Variants in ERBB4 observed in about 807,000 individuals in gnomAD.
The protein encoded by ERBB4 is receptor tyrosine-protein kinase erbB-4.
In ERBB4, 42 loss-of-function variants were observed where a neutral mutation model predicts 158.0. The observed-to-expected ratio is 0.27, with a 90% confidence interval of 0.21 to 0.34. The LOEUF (loss-of-function observed/expected upper bound fraction) is 0.34, where lower values mean the gene tolerates loss of function less well. Ranked by LOEUF, ERBB4 falls within the 10% of genes least tolerant of loss-of-function variation. ERBB4 has a pLI of 1.00. For missense variants in ERBB4, 1,333 were observed against 1,624.1 expected, an observed-to-expected ratio of 0.82 and a Z score of 3.08; for synonymous variants, 583 against 558.7, an observed-to-expected ratio of 1.04 and a Z score of -0.61.
At chr2:211,995,836 T>A (rs985441169) in intron 2 of ERBB4, among the ~76,000 whole-genome samples, 5 of 152,174 alleles carry the variant, frequency 3.3e-5, no homozygotes, top group African/African-American at 1.2e-4. Flanking sequence ...ATCCTTTTTA[T>A]ATTGTGTATT....
intron 1 of ERBB4, among the ~76,000 whole-genome samples, chr2:212,428,616 CTAA>C (rs1157421930): frequency 1.3e-5 from 2 of 151,912 alleles, no homozygotes; most frequent in African/African-American, 4.8e-5. Flanking sequence ...GTACCTATAG[CTAA>C]TAATACCACA....
intron 2 of ERBB4, among the ~76,000 whole-genome samples, chr2:212,069,727 A>G (rs1412548234): frequency 6.6e-6 from 1 of 152,114 alleles, no homozygotes; most frequent in Non-Finnish European, 1.5e-5. Context: ...ATTGCAGAAC[A>G]TAAGACAATA....
chr2:211,571,066 C>T (rs1206387571), intron 19 of ERBB4, among the ~76,000 whole-genome samples: 3 of 86,790 alleles, frequency 3.5e-5, no homozygotes, highest in Admixed American at 1.7e-4. Context: ...TTTTTTGAGA[C>T]GGAGTCTTGC....
intron 1 of ERBB4, among the ~76,000 whole-genome samples, chr2:212,224,444 C>T (rs979695374): frequency 2.0e-5 from 3 of 151,534 alleles, no homozygotes; most frequent in Non-Finnish European, 2.9e-5. Context: ...ATAATGAAGC[C>T]AAGATTGCTG....
intron 20 of ERBB4, among the ~76,000 whole-genome samples, chr2:211,512,036 T>C (rs2030458): frequency 0.49 from 74,452 of 151,914 alleles, 19,080 homozygotes; most frequent in Middle Eastern, 0.58. Flanking sequence ...TTGGTTTAAT[T>C]TTAAAATTAT....
chr2:211,573,225 C>A (rs1559309267), intron 19 of ERBB4, among the ~76,000 whole-genome samples: 1 of 152,102 alleles, frequency 6.6e-6, no homozygotes, highest in African/African-American at 2.4e-5. Context: ...ACATCTGTAG[C>A]CACCCGCAGC....
At chr2:212,126,351 T>G (rs2079926789) in intron 1 of ERBB4, among the ~76,000 whole-genome samples, 1 of 150,794 alleles carries the variant, frequency 6.6e-6, no homozygotes, top group African/African-American at 2.4e-5. Context: ...TCCCAGCTAC[T>G]CGGGAGCCTG....
At chr2:211,454,887 T>C (rs1360559953) in intron 20 of ERBB4, among the ~76,000 whole-genome samples, 1 of 152,230 alleles carries the variant, frequency 6.6e-6, no homozygotes, top group Non-Finnish European at 1.5e-5. Flanking sequence ...CGGTTCTGCC[T>C]CCTCACTTGT....
chr2:211,505,373 G>T (rs952415770), intron 20 of ERBB4, among the ~76,000 whole-genome samples: 1 of 151,780 alleles, frequency 6.6e-6, no homozygotes, highest in African/African-American at 2.4e-5. Flanking sequence ...AGCTTCATAA[G>T]TGAAGAAATA....
chr2:212,499,251 G>A (rs1371585228), intron 1 of ERBB4, among the ~76,000 whole-genome samples: 8 of 151,884 alleles, frequency 5.3e-5, no homozygotes, highest in Non-Finnish European at 7.4e-5. Context: ...GACTTACTAT[G>A]CATTAAATAG....
intron 2 of ERBB4, among the ~76,000 whole-genome samples, chr2:211,952,150 T>C (rs1433422232): frequency 1.3e-5 from 2 of 151,990 alleles, no homozygotes; most frequent in South Asian, 2.1e-4. Context: ...AAACACATCA[T>C]GCCTTATTTT....
chr2:211,738,369 T>TTTG (rs1559473816), intron 5 of ERBB4, among the ~76,000 whole-genome samples: 1 of 147,644 alleles, frequency 6.8e-6, no homozygotes. Context: ...TTGTTTTTTT[T>TTTG]TTTTTTTTTT....
At chr2:212,137,792 A>T (rs566637086) in intron 1 of ERBB4, among the ~76,000 whole-genome samples, 3 of 152,302 alleles carry the variant, frequency 2.0e-5, no homozygotes, top group Non-Finnish European at 4.4e-5. Flanking sequence ...TCCCACCAAC[A>T]GTGTATAAGC....
Position 211,428,481 on chromosome 2 carries a change from C to T in ERBB4, c.2646G>A (p.Met882Ile), listed in dbSNP as rs771843850. 22 of 1,526,398 alleles carry T rather than the reference C, an allele frequency of 1.4e-5. No individual in the cohort carries two copies. In the South Asian group the frequency reaches 2.5e-4, roughly 17 times the overall value. The allele number at this position is 1,526,398 out of a possible 1,614,324, so 94.6% of individuals were successfully genotyped here. ...ACTCCAGAGCCATCCATTTAATTGGCATCTATAGAGAAGTAAGAAGTAAAA... is the reference window on the plus strand; with the variant it reads ...ACTCCAGAGCCATCCATTTAATTGGTATCTATAGAGAAGTAAGAAGTAAAA... ...EKEYNADGGKMPIKWMALECI... is the reference protein window; with the variant it reads ...EKEYNADGGKIPIKWMALECI... Residue 882 changes from methionine to isoleucine, a missense_variant and splice_region_variant, in exon 22 of 28, where the codon ATG becomes ATA. Around this residue, in one of 5 missense-constraint regions of ERBB4, gnomAD observed 314 missense variants for 437.6 expected, o/e 0.72. Transcript: ENST00000342788.
intron 20 of ERBB4, among the ~76,000 whole-genome samples, chr2:211,507,738 A>G (rs1157504282): frequency 6.6e-6 from 1 of 152,132 alleles, no homozygotes; most frequent in Non-Finnish European, 1.5e-5. Flanking sequence ...AAACTATACT[A>G]TAAGGCTACA....
chr2:211,652,434 T>C (rs2105885945), intron 16 of ERBB4, among the ~76,000 whole-genome samples: 1 of 152,320 alleles, frequency 6.6e-6, no homozygotes, highest in East Asian at 1.9e-4. Flanking sequence ...GATCTATGGA[T>C]GATTTTGACT....
chr2:212,258,773 C>T (rs576857561), intron 1 of ERBB4, among the ~76,000 whole-genome samples: 2 of 151,846 alleles, frequency 1.3e-5, no homozygotes, highest in African/African-American at 4.8e-5. Context: ...TTACAAGCAC[C>T]TCTTTTCTTT....
At chr2:211,871,632 T>C (rs1447285859) in intron 3 of ERBB4, among the ~76,000 whole-genome samples, 1 of 152,130 alleles carries the variant, frequency 6.6e-6, no homozygotes, top group Admixed American at 6.6e-5. Flanking sequence ...TAGCAGTAAG[T>C]ATAGGACAAT....
At chr2:211,901,579 C>A (rs16847174) in intron 3 of ERBB4, among the ~76,000 whole-genome samples, 14,877 of 152,132 alleles carry the variant, frequency 0.098, 874 homozygotes, top group African/African-American at 0.15. Context: ...ACTGTGGCCA[C>A]CTCACCACTT....
Sources: gnomAD v4.1 joint callset for allele counts (sites outside exome capture counted in the v4.1 genomes callset) on GRCh38, gnomAD v4.1.1 for gene constraint, gnomAD v4.1.1 regional missense constraint, MANE v1.5 for transcripts, NCBI Gene and HGNC (gene_info 2026-07-23, HGNC 2026-07-21) for gene names.